Variants in PRG4 observed in about 807,000 individuals in gnomAD.
PRG4 encodes the protein articular superficial zone protein.
Under a neutral mutation model 91.2 loss-of-function variants are expected in PRG4, and 61 were observed. That is an observed-to-expected ratio of 0.67 (90% CI 0.54 to 0.83). The LOEUF is 0.83. Among genes scored for constraint, PRG4 ranks in the 40% least tolerant of loss-of-function variants. PRG4 has a pLI of 0.00. For synonymous variants in PRG4, 576 were observed against 614.2 expected, an observed-to-expected ratio of 0.94 and a Z score of 0.92; for missense variants, 1,564 against 1,714.2, an observed-to-expected ratio of 0.91 and a Z score of 1.55.
intron 2 of PRG4, among the ~76,000 whole-genome samples, chr1:186,299,832 C>A (rs573254162): frequency 6.6e-6 from 1 of 152,194 alleles, no homozygotes; most frequent in Non-Finnish European, 1.5e-5. Flanking sequence ...AGGAGTATCA[C>A]CCTCTTTAGG....
At chr1:186,301,796 C>A in intron 4 of PRG4, 85 bp downstream of exon 4, 2 of 1,507,682 alleles carry the variant, frequency 1.3e-6, no homozygotes, top group East Asian at 2.3e-5. Context: ...GTCTAACACG[C>A]AGTCCATCTT....
chr1:186,309,993 C>G (rs1431077066), intron 8 of PRG4, 123 bp downstream of exon 8: 6 of 781,400 alleles, frequency 7.7e-6, no homozygotes, highest in Non-Finnish European at 1.4e-5. Flanking sequence ...GATAAGCACA[C>G]CTCACAGGAG....
chr1:186,305,949 AGGAG>A (rs1656526878), intron 6 of PRG4, among the ~76,000 whole-genome samples: 1 of 152,204 alleles, frequency 6.6e-6, no homozygotes, highest in Non-Finnish European at 1.5e-5. Flanking sequence ...CTAGGTTTCC[AGGAG>A]GAAGGAAGGG....
chr1:186,307,384 C>A lies in PRG4; in HGVS notation c.1665C>A (p.Thr555=). 6.2e-7 allele frequency: 1 copy of A among 1,600,600 alleles called. No individual in the cohort carries two copies. The highest frequency in any genetic ancestry group is 8.5e-7 in the Non-Finnish European group (1 of 1,175,990). The part of the protein sequence containing the change: ...APTTPKEPSP[T]TTKEPAPTTP... The stretch of plus-strand genomic sequence containing the variant: ...CCACTCCCAAGGAGCCTTCACCCAC[C>A]ACCACCAAGGAGCCTGCACCCACCA... Residue 555 remains threonine (T), a synonymous_variant, in exon 7 of 13, where the codon ACC becomes ACA. Coordinates refer to ENST00000445192, the MANE Select transcript of PRG4 (RefSeq NM_005807.6).
chr1:186,312,519 A>G, intron 11 of PRG4, 147 bp downstream of exon 11: 1 of 869,808 alleles, frequency 1.1e-6, no homozygotes, highest in Non-Finnish European at 1.7e-6. Flanking sequence ...CACTTGCCTT[A>G]GTGAATAACC....
chr1:186,311,678 CAAA>C, intron 10 of PRG4, 82 bp downstream of exon 10: 1 of 1,376,562 alleles, frequency 7.3e-7, no homozygotes, highest in Non-Finnish European at 1.0e-6. Context: ...ACTTTACTGT[CAAA>C]AGATATCTTT....
At position 186,306,497 on chromosome 1, in the gene PRG4, C is replaced by G; in HGVS notation, c.778C>G (p.Pro260Ala). 6.2e-7 allele frequency: 1 copy of G among 1,613,522 alleles called. No homozygotes were observed. The highest frequency in any genetic ancestry group is 1.3e-5 in the African/African-American group (1 of 74,944). Reference sequence around the variant, plus strand: ...GATCACAACAGCAAAACCAATAAATCCCAGACCCAGTCTTCCACCTAATTC... The same window carrying G: ...GATCACAACAGCAAAACCAATAAATGCCAGACCCAGTCTTCCACCTAATTC... ...PKITTAKPIN[P>A]RPSLPPNSDT... The change falls in exon 7 of 13, where the codon CCC becomes GCC. Residue 260 changes from proline (P) to alanine (A), a missense_variant. By Grantham distance (27) the Pro-to-Ala change is conservative. Coordinates refer to ENST00000445192, the MANE Select transcript of PRG4 (RefSeq NM_005807.6).
At position 186,301,630 on chromosome 1, in the gene PRG4, A is replaced by AGAGG; in HGVS notation, c.246_249dup (p.Cys84GlyfsTer3). On this transcript the variant is annotated frameshift_variant, in exon 4 of 13. Coordinates refer to ENST00000445192, the MANE Select transcript of PRG4 (RefSeq NM_005807.6). LOFTEE classifies it high-confidence loss of function. Reference sequence around the variant, plus strand: ...AGGCCGCTGCTTTGAGTCCTTCGAGAGAGGGAGGGAGTGTGACTGCGACGC... The same window carrying AGAGG: ...AGGCCGCTGCTTTGAGTCCTTCGAGAGAGGGAGGGAGGGAGTGTGACTGCGACGC... 2 of 1,613,764 alleles carry AGAGG rather than the reference A, an allele frequency of 1.2e-6. No individual in the cohort carries two copies. Among genetic ancestry groups the AGAGG allele is most frequent in the South Asian group, 2.2e-5 (2 of 91,066 alleles).
chr1:186,307,308 C>T lies in PRG4; in HGVS notation c.1589C>T (p.Ala530Val). The T allele has an allele frequency of 6.2e-7, 1 of 1,602,228 alleles. No individual in the cohort carries two copies. Among genetic ancestry groups the T allele is most frequent in the Non-Finnish European group, 8.5e-7 (1 of 1,175,282 alleles). Residue 530 changes from alanine (A) to valine (V), a missense_variant, in exon 7 of 13, where the codon GCA (alanine) becomes GTA (valine). Physicochemically the swap from Ala to Val is moderately conservative, Grantham distance 64 (BLOSUM62 0). Coordinates refer to ENST00000445192, the MANE Select transcript of PRG4 (RefSeq NM_005807.6). ...CCTGCACCCACCACCACCAAGTCTGCACCCACCACTACCAAGGAGCCTGCA... is the reference window on the plus strand; with the variant it reads ...CCTGCACCCACCACCACCAAGTCTGTACCCACCACTACCAAGGAGCCTGCA... Reference protein sequence around the residue: ...KEPAPTTTKSAPTTTKEPAPT... With the variant: ...KEPAPTTTKSVPTTTKEPAPT...
chr1:186,301,109 G>A (rs1384667881), intron 3 of PRG4, among the ~76,000 whole-genome samples: 2 of 152,014 alleles, frequency 1.3e-5, no homozygotes, highest in Middle Eastern at 3.2e-3. Flanking sequence ...AAGGGCCTCT[G>A]CATTACAAAT....
chr1:186,304,039 G>T, intron 4 of PRG4, 69 bp from the exon 5 acceptor site: 1 of 1,546,734 alleles, frequency 6.5e-7, no homozygotes, highest in South Asian at 1.1e-5. Context: ...ATGCATCTGT[G>T]CTTTTCACAG....
chr1:186,307,181 A>C lies in PRG4; in HGVS notation c.1462A>C (p.Lys488Gln). The change falls in exon 7 of 13, where the codon AAG becomes CAG. Residue 488 changes from lysine to glutamine, a missense_variant. Lys to Gln is a moderately conservative substitution (Grantham distance 53). Coordinates refer to ENST00000445192, the MANE Select transcript of PRG4 (RefSeq NM_005807.6). ...CAAAGAGCCTGCACCCACTGCCCCC[A>C]AGAAGCCTGCCCCAACTACCCCCAA... The part of the protein sequence containing the change: ...TPKEPAPTAP[K>Q]KPAPTTPKEP... 1 of 1,562,164 alleles carries C rather than the reference A, an allele frequency of 6.4e-7. No homozygotes were observed. Among genetic ancestry groups the C allele is most frequent in the Non-Finnish European group, 8.6e-7 (1 of 1,157,242 alleles).
At chr1:186,301,561 A>C in intron 3 of PRG4, 31 bp from the exon 4 acceptor site, 1 of 1,613,306 alleles carries the variant, frequency 6.2e-7, no homozygotes, top group Non-Finnish European at 8.5e-7. Context: ...CACAATGAAT[A>C]ATCTGTAACT....
chr1:186,306,690 C>T lies in PRG4; in HGVS notation c.971C>T (p.Thr324Ile). The T allele has an allele frequency of 6.2e-7, 1 of 1,613,746 alleles. No individual in the cohort carries two copies. The highest frequency in any genetic ancestry group is 8.5e-7 in the Non-Finnish European group (1 of 1,179,766). ...ACATCTGCTAAAGATTTAGCACCCA[C>T]ATCTAAAGTGCTGGCTAAACCTACA... ...EKTSAKDLAP[T>I]SKVLAKPTPK... Residue 324 changes from threonine (T) to isoleucine (I), a missense_variant, in exon 7 of 13, where the codon ACA (threonine) becomes ATA (isoleucine). By Grantham distance (89) the Thr-to-Ile change is moderately conservative (BLOSUM62 -1). Transcript: ENST00000445192.
In PRG4 at chr1:186,308,674, AACT is replaced by A. The variant is rs1373663056; in HGVS notation, c.2958_2960del (p.Thr988del). The A allele has an allele frequency of 5.6e-6, 9 of 1,611,516 alleles. No individual in the cohort carries two copies. The South Asian group carries it at 1.0e-4, about 18-fold the overall frequency. ...AAACAACTACTCTTGCACCCAAAGT[AACT>A]ACAACAAAAAAGACAATTACTACCA... On this transcript the variant is annotated inframe_deletion, in exon 7 of 13. Transcript: ENST00000445192.
chr1:186,304,623 G>T (rs1376434368), intron 5 of PRG4, among the ~76,000 whole-genome samples, 171 bp from the exon 6 acceptor site: 3 of 152,170 alleles, frequency 2.0e-5, no homozygotes, highest in Admixed American at 6.5e-5. Context: ...ATAAGCCCAG[G>T]TGCCTTGCTT....
intron 2 of PRG4, among the ~76,000 whole-genome samples, chr1:186,298,582 C>T (rs139509887): frequency 0.041 from 6,270 of 151,340 alleles, 437 homozygotes; most frequent in African/African-American, 0.14. Flanking sequence ...CCTCCACCTA[C>T]GGGGTTCAAG....
In PRG4 at chr1:186,308,603, T is replaced by C. The variant is rs980473180; in HGVS notation, c.2884T>C (p.Ser962Pro). ...AACAGCTACAACCACACAAGTAACA[T>C]CTACCACAACTCAAGATACCACACC... ...KITATTTQVT[S>P]TTTQDTTPFK... The change falls in exon 7 of 13, where the codon TCT (serine) becomes CCT (proline). Residue 962 changes from serine to proline, a missense_variant. This residue lies in a region of PRG4 where 1,079 missense variants were observed against 1,162.2 expected (regional missense o/e 0.93). Transcript: ENST00000445192. The C allele has an allele frequency of 4.3e-6, 7 of 1,612,962 alleles. No individual in the cohort carries two copies. Among genetic ancestry groups the C allele is most frequent in the Non-Finnish European group, 5.9e-6 (7 of 1,179,878 alleles).
intron 2 of PRG4, among the ~76,000 whole-genome samples, chr1:186,297,334 T>A (rs938062663): frequency 4.6e-5 from 7 of 152,238 alleles, no homozygotes; most frequent in Non-Finnish European, 1.0e-4. Context: ...ATTTGTTTTT[T>A]AAAATCAAAT....
Sources: gnomAD v4.1 joint callset for allele counts (sites outside exome capture counted in the v4.1 genomes callset) on GRCh38, gnomAD v4.1.1 for gene constraint, gnomAD v4.1.1 regional missense constraint, MANE v1.5 for transcripts, NCBI Gene and HGNC (gene_info 2026-07-23, HGNC 2026-07-21) for gene names.